Variants in FMNL2 observed in about 807,000 individuals in gnomAD.
FMNL2 encodes the protein formin like 2, also known as formin-like protein 2.
Under a neutral mutation model 130.2 loss-of-function variants are expected in FMNL2, and 51 were observed. The ratio of observed to expected loss-of-function variants is 0.39; its 90% confidence interval spans 0.31 to 0.49. The LOEUF is 0.49. Among genes scored for constraint, FMNL2 ranks in the 20% least tolerant of loss-of-function variants. The pLI is 0.85. For missense variants in FMNL2, 977 were observed against 1,316.2 expected (o/e 0.74, Z 3.99); for synonymous variants, 465 against 467.1 (o/e 1.00, Z 0.06).
At chr2:152,531,103 G>C (rs1002096724) in intron 2 of FMNL2, among the ~76,000 whole-genome samples, 3 of 152,092 alleles carry the variant, frequency 2.0e-5, no homozygotes, top group Admixed American at 6.5e-5. Context: ...AACCACTGTT[G>C]GTTCTCTTCA....
chr2:152,624,314 C>T (rs1400055771), intron 15 of FMNL2, among the ~76,000 whole-genome samples: 1 of 151,526 alleles, frequency 6.6e-6, no homozygotes, highest in Non-Finnish European at 1.5e-5. Flanking sequence ...CACACCACCA[C>T]AACTGGCTAA....
chr2:152,639,623 C>T (rs1167210180), intron 23 of FMNL2, among the ~76,000 whole-genome samples: 1 of 152,148 alleles, frequency 6.6e-6, no homozygotes, highest in East Asian at 1.9e-4. Context: ...GGCAGACTGT[C>T]TCTGAAAGGA....
chr2:152,607,542 A>G (rs1261684100), intron 10 of FMNL2, 129 bp downstream of exon 10: 1 of 697,408 alleles, frequency 1.4e-6, no homozygotes, highest in African/African-American at 1.8e-5. Context: ...ATTGCAATTA[A>G]TATGCTATAG....
intron 2 of FMNL2, among the ~76,000 whole-genome samples, chr2:152,540,758 G>A (rs939476395): frequency 6.0e-4 from 91 of 151,916 alleles, no homozygotes; most frequent in Non-Finnish European, 6.2e-4. Context: ...GAGTTAGTGG[G>A]TGCAGCGCAC....
At chr2:152,404,005 T>G (rs1685847039) in intron 1 of FMNL2, among the ~76,000 whole-genome samples, 1 of 152,072 alleles carries the variant, frequency 6.6e-6, no homozygotes, top group Non-Finnish European at 1.5e-5. Flanking sequence ...GAGGCAGAGG[T>G]TGCAGTGAGC....
chr2:152,521,286 A>T (rs1366729130), intron 1 of FMNL2, among the ~76,000 whole-genome samples: 1 of 152,130 alleles, frequency 6.6e-6, no homozygotes, highest in Admixed American at 6.6e-5. Context: ...TGTTAAGAGG[A>T]GGGTTTATAC....
chr2:152,502,030 A>T (rs1269575919), intron 1 of FMNL2, among the ~76,000 whole-genome samples: 4 of 152,236 alleles, frequency 2.6e-5, no homozygotes, highest in African/African-American at 9.6e-5. Flanking sequence ...ATCAAAAACA[A>T]GAAAATGTTG....
At chr2:152,341,370 G>C (rs1681794480) in intron 1 of FMNL2, among the ~76,000 whole-genome samples, 1 of 152,210 alleles carries the variant, frequency 6.6e-6, no homozygotes, top group Non-Finnish European at 1.5e-5. Context: ...TAGGATAGAA[G>C]TTGATCAAAT....
At chr2:152,611,631 C>T (rs781596946) in intron 11 of FMNL2, 26 bp downstream of exon 11, 1 of 1,428,428 alleles carries the variant, frequency 7.0e-7, no homozygotes, top group Non-Finnish European at 9.8e-7. Context: ...ACCTTTGGCT[C>T]CAATATAAGA....
chr2:152,601,246 C>A (rs748501044), intron 9 of FMNL2, among the ~76,000 whole-genome samples: 56 of 151,794 alleles, frequency 3.7e-4, no homozygotes, highest in Admixed American at 1.6e-3. Context: ...CATATAGTTT[C>A]TTCTCCTTTA....
At chr2:152,549,966 T>C (rs1269564701) in intron 4 of FMNL2, among the ~76,000 whole-genome samples, 2 of 152,242 alleles carry the variant, frequency 1.3e-5, no homozygotes, top group African/African-American at 2.4e-5. Context: ...GCAAGTCTAT[T>C]GGAAATTAAT....
chr2:152,538,280 T>TG (rs1694108594), intron 2 of FMNL2, among the ~76,000 whole-genome samples: 1 of 148,556 alleles, frequency 6.7e-6, no homozygotes. Flanking sequence ...TGAGGTTTTT[T>TG]TTTTTTGTTT....
At chr2:152,348,849 A>T (rs1381294668) in intron 1 of FMNL2, among the ~76,000 whole-genome samples, 2 of 51,894 alleles carry the variant, frequency 3.9e-5, no homozygotes, top group Admixed American at 2.8e-4. Flanking sequence ...TTTTTTTGAG[A>T]CGGAGTCTCG....
chr2:152,467,693 C>T (rs1194105028), intron 1 of FMNL2, among the ~76,000 whole-genome samples: 3 of 152,158 alleles, frequency 2.0e-5, no homozygotes, highest in African/African-American at 2.4e-5. Context: ...ATAGTGAGCT[C>T]GCTGTGGACT....
chr2:152,544,016 C>T (rs1034616986), intron 3 of FMNL2, among the ~76,000 whole-genome samples: 1 of 152,192 alleles, frequency 6.6e-6, no homozygotes, highest in African/African-American at 2.4e-5. Context: ...TCAGGTCTTA[C>T]ACCTGCAAAT....
intron 1 of FMNL2, among the ~76,000 whole-genome samples, chr2:152,433,788 A>T (rs1414134343): frequency 1.3e-5 from 2 of 152,154 alleles, no homozygotes; most frequent in Non-Finnish European, 2.9e-5. Context: ...TCTTCTTATT[A>T]CTGATTTCTT....
intron 1 of FMNL2, among the ~76,000 whole-genome samples, chr2:152,507,494 T>C (rs555891775): frequency 6.6e-6 from 1 of 152,372 alleles, no homozygotes; most frequent in Non-Finnish European, 1.5e-5. Context: ...ACAATCCTGC[T>C]ATATAAAGCT....
intron 1 of FMNL2, among the ~76,000 whole-genome samples, chr2:152,402,302 G>A (rs993709529): frequency 6.6e-6 from 1 of 152,198 alleles, no homozygotes; most frequent in Non-Finnish European, 1.5e-5. Context: ...AAGTCAGAGG[G>A]CGGAGTGGAG....
intron 1 of FMNL2, among the ~76,000 whole-genome samples, chr2:152,517,760 C>T (rs1015374713): frequency 1.3e-5 from 2 of 152,208 alleles, no homozygotes; most frequent in Non-Finnish European, 2.9e-5. Flanking sequence ...CATATGTCTT[C>T]CATCGACCTT....
Sources: allele counts gnomAD v4.1 joint callset (sites outside exome capture counted in the v4.1 genomes callset), GRCh38; gene constraint gnomAD v4.1.1; transcripts MANE v1.5; gene names NCBI Gene and HGNC (gene_info 2026-07-23, HGNC 2026-07-21).